The following ECPAS variants were observed in gnomAD, a reference collection of about 807,000 sequenced individuals.
ECPAS encodes the protein proteasome adapter and scaffold protein ECM29.
In ECPAS, 70 loss-of-function variants were observed where a neutral mutation model predicts 255.1. That is an observed-to-expected ratio of 0.27 (90% CI 0.23 to 0.33). The LOEUF (loss-of-function observed/expected upper bound fraction) is 0.33, where lower values mean the gene tolerates loss of function less well. Ranked by LOEUF, ECPAS falls within the 10% of genes least tolerant of loss-of-function variation. The pLI is 1.00. For missense variants in ECPAS, 1,817 were observed against 2,206.4 expected, an observed-to-expected ratio of 0.82 and a Z score of 3.54; for synonymous variants, 784 against 775.0, an observed-to-expected ratio of 1.01 and a Z score of -0.19.
intron 18 of ECPAS, among the ~76,000 whole-genome samples, chr9:111,415,327 T>G (rs2098201678): frequency 6.6e-6 from 1 of 152,028 alleles, no homozygotes; most frequent in South Asian, 2.1e-4. Flanking sequence ...GAATTCCAGT[T>G]GTGTTTACTC....
chr9:111,470,350 A>C (rs1589236944), intron 2 of ECPAS, among the ~76,000 whole-genome samples: 1 of 146,904 alleles, frequency 6.8e-6, no homozygotes. Context: ...TTGCTCTGTC[A>C]CCCAGGCTGC....
Position 111,433,356 on chromosome 9 carries a change from A to C in ECPAS, c.725T>G (p.Val242Gly). Residue 242 changes from valine to glycine, a missense_variant, in exon 8 of 50, where the codon GTG becomes GGG. By Grantham distance (109) the Val-to-Gly change is moderately radical (BLOSUM62 -3). This residue lies in a region of ECPAS where 573 missense variants were observed against 716.2 expected (regional missense o/e 0.80). Transcript: ENST00000684092. ...EQLEQCKLGIVKFIEAEQVPE... is the reference protein window; with the variant it reads ...EQLEQCKLGIGKFIEAEQVPE... ...CACCTGTTCAGCTTCTATGAATTTC[A>C]CGATTCCCAATTTGCACTGTAGATA... The C allele has an allele frequency of 6.2e-7, 1 of 1,613,958 alleles. No individual in the cohort carries two copies. Among genetic ancestry groups the C allele is most frequent in the Non-Finnish European group, 8.5e-7 (1 of 1,179,864 alleles).
At position 111,410,919 on chromosome 9, in the gene ECPAS, A is replaced by T. The variant is rs370676304; in HGVS notation, c.2377+61T>A. On this transcript the variant is annotated intron_variant, in intron 22 of 49. Transcript: ENST00000684092. ...CCATAAAAAGAAACTGAAACGCCAT[A>T]TTAAAATTTAACATAATTCAAAAAC... The T allele has an allele frequency of 3.5e-5, 53 of 1,494,662 alleles. No homozygotes were observed. The African/African-American group carries it at 6.2e-4, about 17-fold the overall frequency. The allele number at this position is 1,494,662 out of a possible 1,614,324, so 92.6% of individuals were successfully genotyped here.
chr9:111,431,928 G>A (rs551791668), intron 8 of ECPAS, among the ~76,000 whole-genome samples: 65 of 152,232 alleles, frequency 4.3e-4, no homozygotes, highest in African/African-American at 1.3e-3. Flanking sequence ...AAGCTCCGCC[G>A]TTGCTTTTCT....
chr9:111,392,825 T>G lies in ECPAS; in HGVS notation c.3035A>C (p.Glu1012Ala). 2 of 1,613,814 alleles carry G rather than the reference T, an allele frequency of 1.2e-6. No individual in the cohort carries two copies. The highest frequency in any genetic ancestry group is 1.7e-6 in the Non-Finnish European group (2 of 1,179,800). Reference protein sequence around the residue: ...GLGLVYELGNEQDQQELVSTL... With the variant: ...GLGLVYELGNAQDQQELVSTL... ...AGAAACCAATTCCTGTTGATCTTGT[T>G]CATTGCCTAGTTCATAAACCAACCC... Residue 1012 changes from glutamate (E) to alanine (A), a missense_variant, in exon 28 of 50, where the codon GAA becomes GCA. Coordinates refer to ENST00000684092, the MANE Select transcript of ECPAS (RefSeq NM_001364929.1).
At chr9:111,435,119 G>C (rs529811761) in intron 7 of ECPAS, among the ~76,000 whole-genome samples, 2 of 151,482 alleles carry the variant, frequency 1.3e-5, no homozygotes, top group African/African-American at 4.9e-5. Context: ...GGCTGGTCTC[G>C]AACTCCTGAC....
chr9:111,473,845 C>T (rs936171970), intron 1 of ECPAS, among the ~76,000 whole-genome samples: 4 of 152,050 alleles, frequency 2.6e-5, no homozygotes, highest in Admixed American at 2.6e-4. Context: ...TACCCGCCTG[C>T]AGTCCCAGCT....
intron 24 of ECPAS, among the ~76,000 whole-genome samples, chr9:111,398,036 C>T (rs1219203420): frequency 1.3e-5 from 2 of 152,066 alleles, no homozygotes; most frequent in Non-Finnish European, 2.9e-5. Flanking sequence ...TACTGTGAAC[C>T]GGAAGAAATT....
chr9:111,472,170 C>A (rs1480140806), intron 2 of ECPAS, among the ~76,000 whole-genome samples: 1 of 152,084 alleles, frequency 6.6e-6, no homozygotes, highest in Non-Finnish European at 1.5e-5. Context: ...ATCGCCTGAG[C>A]CCAGGAGATC....
At position 111,416,258 on chromosome 9, in the gene ECPAS, T is replaced by C. The variant is rs2098203343; in HGVS notation, c.1764+14A>G. On this transcript the variant is annotated intron_variant, in intron 18 of 49. Coordinates refer to ENST00000684092, the MANE Select transcript of ECPAS (RefSeq NM_001364929.1). ...CACTTACAAAAAGTAAATAGAAATATATGAAAGTTCTACCTCTCCAAAGGC... is the reference window on the plus strand; with the variant it reads ...CACTTACAAAAAGTAAATAGAAATACATGAAAGTTCTACCTCTCCAAAGGC... 1 of 1,590,884 alleles carries C rather than the reference T, an allele frequency of 6.3e-7. No individual in the cohort carries two copies. Among genetic ancestry groups the C allele is most frequent in the Non-Finnish European group, 8.6e-7 (1 of 1,159,150 alleles).
chr9:111,429,735 G>C (rs1054522307), intron 9 of ECPAS, among the ~76,000 whole-genome samples: 5 of 152,182 alleles, frequency 3.3e-5, no homozygotes, highest in African/African-American at 1.2e-4. Flanking sequence ...CAGGTGCAGT[G>C]GTGTGCACCT....
chr9:111,376,379 A>G (rs990993395), intron 37 of ECPAS, 97 bp downstream of exon 37: 68 of 983,994 alleles, frequency 6.9e-5, no homozygotes, highest in Admixed American at 2.0e-5. Flanking sequence ...GACTCATCCC[A>G]TAAGTCTCTG....
chr9:111,366,796 T>C (rs754281427), intron 46 of ECPAS, among the ~76,000 whole-genome samples, 169 bp from the exon 47 acceptor site: 1 of 152,054 alleles, frequency 6.6e-6, no homozygotes, highest in South Asian at 2.1e-4. Flanking sequence ...AATAAAACAA[T>C]AAATACTTTT....
Position 111,440,938 on chromosome 9 carries a change from G to A in ECPAS, c.390-417C>T, listed in dbSNP as rs112376057. Among the ~76,000 whole-genome samples, 462 of 152,274 alleles carry A rather than the reference G, an allele frequency of 3.0e-3. 3 individuals are homozygous for A. Among genetic ancestry groups the A allele is most frequent in the African/African-American group, 0.01 (417 of 41,550 alleles). ...CCAGTACTTTGGGAGGCCGAGGCGGGCAGATGACGAGGTCAGGAGATCGAG... is the reference window on the plus strand; with the variant it reads ...CCAGTACTTTGGGAGGCCGAGGCGGACAGATGACGAGGTCAGGAGATCGAG... On this transcript the variant is annotated intron_variant, in intron 5 of 49. Transcript: ENST00000684092.
chr9:111,433,432 A>C, intron 7 of ECPAS, 60 bp from the exon 8 acceptor site: 1 of 1,570,958 alleles, frequency 6.4e-7, no homozygotes, highest in Non-Finnish European at 8.7e-7. Context: ...CACCCACTGA[A>C]AGTACTGCTT....
intron 2 of ECPAS, among the ~76,000 whole-genome samples, chr9:111,467,611 G>A (rs1256526160): frequency 6.6e-6 from 1 of 152,100 alleles, no homozygotes; most frequent in Admixed American, 6.6e-5. Context: ...TGAAATTGAA[G>A]AGAAAGCTGA....
At chr9:111,421,731 C>T (rs748417063) in intron 15 of ECPAS, among the ~76,000 whole-genome samples, 190 bp downstream of exon 15, 1 of 152,056 alleles carries the variant, frequency 6.6e-6, no homozygotes, top group Non-Finnish European at 1.5e-5. Flanking sequence ...ACATAAGCAT[C>T]GCTATGAATA....
intron 6 of ECPAS, among the ~76,000 whole-genome samples, chr9:111,437,712 C>CT (rs1337041530): frequency 7.2e-5 from 11 of 152,180 alleles, no homozygotes; most frequent in Non-Finnish European, 1.2e-4. Flanking sequence ...CAAGAACTGA[C>CT]TTTTCCCATT....
Position 111,417,769 on chromosome 9 carries a change from G to T in ECPAS, c.1683+114C>A, listed in dbSNP as rs185226274. ...CTCAAAAAAAAAAAAGAAAAGAAAA[G>T]AAAAAGAAATTTTATGAGTCAACAT... On this transcript the variant is annotated intron_variant, in intron 17 of 49. Coordinates refer to ENST00000684092, the MANE Select transcript of ECPAS (RefSeq NM_001364929.1). 1.8e-4 allele frequency: 194 copies of T among 1,061,980 alleles called. No homozygotes were observed. The African/African-American group carries it at 2.1e-3, about 11-fold the overall frequency. The allele number at this position is 1,061,980 out of a possible 1,614,324, so 65.8% of individuals were successfully genotyped here. A position where few individuals can be genotyped will look rare whatever the true frequency, so the allele number is the denominator to read the frequency against.
Sources: gnomAD v4.1 joint callset for allele counts (sites outside exome capture counted in the v4.1 genomes callset) on GRCh38, gnomAD v4.1.1 for gene constraint, gnomAD v4.1.1 regional missense constraint, MANE v1.5 for transcripts, NCBI Gene and HGNC (gene_info 2026-07-23, HGNC 2026-07-21) for gene names.